Variants in SNX10 observed in about 807,000 individuals in gnomAD.
The protein encoded by SNX10 is sorting nexin 10.
In SNX10, 25 loss-of-function variants were observed where a neutral mutation model predicts 28.5. The observed-to-expected ratio is 0.88, with a 90% CI of 0.64 to 1.22. The LOEUF is 1.22. Among genes scored for constraint, SNX10 ranks in the 50% most tolerant of loss-of-function variants. The probability of loss-of-function intolerance (pLI) is 0.00; values close to 1 mark genes in which losing one functional copy is unlikely to be tolerated. For synonymous variants in SNX10, 62 were observed against 81.4 expected, an observed-to-expected ratio of 0.76 and a Z score of 1.28; for missense variants, 223 against 242.6, an observed-to-expected ratio of 0.92 and a Z score of 0.54.
At chr7:26,301,239 A>G (rs953533436) in intron 1 of SNX10, among the ~76,000 whole-genome samples, 9 of 152,238 alleles carry the variant, frequency 5.9e-5, no homozygotes, top group South Asian at 4.1e-4. Context: ...ACTCATTGGT[A>G]TAGTTAAATG....
At chr7:26,358,622 C>T (rs1231992233) in intron 2 of SNX10, among the ~76,000 whole-genome samples, 1 of 152,018 alleles carries the variant, frequency 6.6e-6, no homozygotes, top group Non-Finnish European at 1.5e-5. Flanking sequence ...GCCTGTAGTC[C>T]AGCTACTGGG....
rs74547411 is a variant in SNX10 at position 26,355,622 on chromosome 7, A to G, written c.25-5353A>G. On this transcript the variant is annotated intron_variant, in intron 2 of 6. Transcript: ENST00000338523. ...TTGGTGCTAGAAATACAAAAATGAAATACAAAGCTTTAAGAAGCCAGAAGG... is the reference window on the plus strand; with the variant it reads ...TTGGTGCTAGAAATACAAAAATGAAGTACAAAGCTTTAAGAAGCCAGAAGG... Among the ~76,000 whole-genome samples the G allele has an allele frequency of 3.0e-4, 45 of 152,342 alleles. No homozygotes were observed. In the East Asian group the frequency reaches 8.7e-3, roughly 29 times the overall value.
chr7:26,316,544 CT>C (rs1787098765), intron 1 of SNX10, among the ~76,000 whole-genome samples: 1 of 152,090 alleles, frequency 6.6e-6, no homozygotes, highest in Non-Finnish European at 1.5e-5. Context: ...GGTTTTAAGC[CT>C]AATAATAATA....
chr7:26,327,726 C>CTTTT lies in SNX10; in HGVS notation c.-23-18676_-23-18673dup, dbSNP rs70943293. Among the ~76,000 whole-genome samples, 487 of 89,102 alleles carry CTTTT rather than the reference C, an allele frequency of 5.5e-3. 38 individuals carry two copies. Among genetic ancestry groups the CTTTT allele is most frequent in the African/African-American group, 0.016 (367 of 23,316 alleles). 58.5% of individuals were successfully genotyped at this position (89,102 alleles called of 152,430 possible). A position where few individuals can be genotyped will look rare whatever the true frequency, so the allele number is the denominator to read the frequency against. ...ATTGTATTCATTCATGCATTCTTTTCTTTTTTTTTTTTTTTTTTTTTGAGA... is the reference window on the plus strand; with the variant it reads ...ATTGTATTCATTCATGCATTCTTTTCTTTTTTTTTTTTTTTTTTTTTTTTTGAGA... On this transcript the variant is annotated intron_variant, in intron 1 of 6. Transcript: ENST00000338523.
chr7:26,325,306 A>AATATATATATATATATATATATATAT (rs149785859), intron 1 of SNX10, among the ~76,000 whole-genome samples: 2,230 of 51,064 alleles, frequency 0.044, 486 homozygotes, highest in Non-Finnish European at 0.089. Context: ...AAGTTTGCAA[A>AATATATATATATATATATATATATAT]ATATATATAT....
chr7:26,322,752 C>T (rs915363752), intron 1 of SNX10, among the ~76,000 whole-genome samples: 5 of 152,162 alleles, frequency 3.3e-5, no homozygotes, highest in Non-Finnish European at 5.9e-5. Context: ...GAATAAAGAT[C>T]TGTTCTCTTA....
intron 1 of SNX10, among the ~76,000 whole-genome samples, chr7:26,339,326 T>G (rs1236059185): frequency 6.6e-6 from 1 of 152,096 alleles, no homozygotes; most frequent in Non-Finnish European, 1.5e-5. Context: ...AACTTTGAGG[T>G]CAAGTGATCC....
intron 3 of SNX10, among the ~76,000 whole-genome samples, chr7:26,362,608 G>C (rs1261905958): frequency 1.3e-5 from 2 of 152,210 alleles, no homozygotes; most frequent in Non-Finnish European, 2.9e-5. Context: ...AGTGATCTCA[G>C]TATCCTCTAA....
chr7:26,360,841 T>C, intron 2 of SNX10, 134 bp from the exon 3 acceptor site: 5 of 1,469,224 alleles, frequency 3.4e-6, no homozygotes, highest in Non-Finnish European at 4.5e-6. Context: ...TACTTCTTGT[T>C]TTTTAAAGGA....
intron 2 of SNX10, among the ~76,000 whole-genome samples, chr7:26,354,420 A>G (rs1296827501): frequency 6.6e-6 from 1 of 152,166 alleles, no homozygotes; most frequent in Non-Finnish European, 1.5e-5. Flanking sequence ...ATCTCAGCTC[A>G]CTGCAACCTC....
chr7:26,315,674 A>G (rs755778212), intron 1 of SNX10, among the ~76,000 whole-genome samples: 4 of 152,126 alleles, frequency 2.6e-5, no homozygotes, highest in Admixed American at 6.6e-5. Context: ...ATCTCAAAAA[A>G]AAAAAAATTG....
intron 1 of SNX10, among the ~76,000 whole-genome samples, chr7:26,316,693 A>T (rs1358600781): frequency 2.0e-5 from 3 of 152,212 alleles, no homozygotes; most frequent in Admixed American, 6.5e-5. Flanking sequence ...ATAGATGAGG[A>T]TACCGAGGCG....
chr7:26,363,787 T>C (rs1789180662), intron 3 of SNX10, among the ~76,000 whole-genome samples: 2 of 152,214 alleles, frequency 1.3e-5, no homozygotes, highest in Admixed American at 1.3e-4. Context: ...GTATTATTAA[T>C]AGATAACATT....
intron 1 of SNX10, among the ~76,000 whole-genome samples, chr7:26,317,031 G>A (rs557015507): frequency 3.3e-5 from 5 of 152,250 alleles, no homozygotes; most frequent in South Asian, 4.2e-4. Flanking sequence ...GATCGAGGCC[G>A]GAGATGCTAA....
intron 1 of SNX10, among the ~76,000 whole-genome samples, chr7:26,306,606 T>C (rs902617265): frequency 7.2e-5 from 11 of 151,800 alleles, no homozygotes; most frequent in Non-Finnish European, 1.2e-4. Context: ...GGTTTCGTCA[T>C]GTTGCCCAGG....
intron 6 of SNX10, 85 bp downstream of exon 6, chr7:26,372,118 CACTT>C: frequency 1.1e-6 from 1 of 874,008 alleles, no homozygotes; most frequent in Non-Finnish European, 1.7e-6. Flanking sequence ...TATATATACA[CACTT>C]CACTTTTTTG....
intron 1 of SNX10, among the ~76,000 whole-genome samples, chr7:26,292,331 G>C (rs1169675754): frequency 6.6e-6 from 1 of 152,198 alleles, no homozygotes; most frequent in African/African-American, 2.4e-5. Context: ...GTCGATCCAG[G>C]GATTCTTGGC....
At chr7:26,303,844 T>C (rs1380640300) in intron 1 of SNX10, among the ~76,000 whole-genome samples, 3 of 152,200 alleles carry the variant, frequency 2.0e-5, no homozygotes, top group Non-Finnish European at 4.4e-5. Flanking sequence ...CAAGCTGGTT[T>C]CATTCTATGA....
At chr7:26,320,620 A>T (rs1467740998) in intron 1 of SNX10, among the ~76,000 whole-genome samples, 7 of 151,482 alleles carry the variant, frequency 4.6e-5, no homozygotes, top group African/African-American at 1.5e-4. Context: ...TTTACTAGAG[A>T]CGGGGGTTTC....
Sources: allele counts gnomAD v4.1 joint callset (sites outside exome capture counted in the v4.1 genomes callset), GRCh38; gene constraint gnomAD v4.1.1; transcripts MANE v1.5; gene names NCBI Gene and HGNC (gene_info 2026-07-23, HGNC 2026-07-21).